The following C21orf91 variants were observed in gnomAD, a reference collection of about 807,000 sequenced individuals.
C21orf91 encodes the protein protein EURL homolog.
A neutral mutation model predicts 32.9 loss-of-function variants in C21orf91; 26 were observed. That is an observed-to-expected ratio of 0.79 (90% CI 0.58 to 1.10). C21orf91 has a LOEUF of 1.10. Among genes scored for constraint, C21orf91 ranks in the 50% least tolerant of loss-of-function variants. C21orf91 has a pLI of 0.00. For missense variants in C21orf91, 310 were observed against 341.3 expected (o/e 0.91, Z 0.72); for synonymous variants, 126 against 120.4 (o/e 1.05, Z -0.31).
At chr21:17,799,960 C>T (rs879393450) in intron 2 of C21orf91, among the ~76,000 whole-genome samples, 5 of 152,114 alleles carry the variant, frequency 3.3e-5, no homozygotes, top group East Asian at 1.9e-4. Flanking sequence ...GGCTACTCAG[C>T]GGGTAATTAA....
In C21orf91 at chr21:17,790,548, C is replaced by T. The variant is rs1306256545; in HGVS notation, c.*2867G>A. 1.3e-5 allele frequency: 2 copies of T among 151,980 alleles called. No individual in the cohort carries two copies. The highest frequency in any genetic ancestry group is 4.8e-5 in the African/African-American group (2 of 41,404). The allele number at this position is 151,980 out of a possible 1,614,324, so 9.4% of individuals were successfully genotyped here. A position where few individuals can be genotyped will look rare whatever the true frequency, so the allele number is the denominator to read the frequency against. On this transcript the variant is annotated 3_prime_UTR_variant, in exon 5 of 5. Transcript: ENST00000284881. ...ATCCTTAAATGTATATAAAAATGGG[C>T]ACTTTGTGGTAAAATGAACATGTGT...
chr21:17,816,627 C>A (rs1294727722), intron 2 of C21orf91, among the ~76,000 whole-genome samples: 1 of 152,174 alleles, frequency 6.6e-6, no homozygotes, highest in African/African-American at 2.4e-5. Context: ...TCTTAGGTCG[C>A]CAAGGTTCAG....
chr21:17,796,559 A>G, intron 3 of C21orf91, 23 bp downstream of exon 3: 1 of 1,578,000 alleles, frequency 6.3e-7, no homozygotes, highest in East Asian at 2.3e-5. Flanking sequence ...CCCAACTTTT[A>G]CTTTTCTCCC....
At chr21:17,793,820 T>C (rs561757140) in intron 4 of C21orf91, among the ~76,000 whole-genome samples, 12 of 152,344 alleles carry the variant, frequency 7.9e-5, no homozygotes, top group African/African-American at 2.9e-4. Flanking sequence ...ACTACAGAGA[T>C]ACACAGCAAA....
intron 2 of C21orf91, among the ~76,000 whole-genome samples, chr21:17,798,883 G>C (rs762984334): frequency 4.6e-5 from 7 of 152,146 alleles, no homozygotes; most frequent in African/African-American, 1.7e-4. Context: ...CCAATGCTTA[G>C]TTTTCTGGGA....
intron 2 of C21orf91, among the ~76,000 whole-genome samples, chr21:17,804,620 C>A (rs1244306571): frequency 6.6e-6 from 1 of 152,166 alleles, no homozygotes; most frequent in African/African-American, 2.4e-5. Context: ...AGAATTACTG[C>A]CCTAAAGAAA....
At chr21:17,805,655 G>A (rs569189337) in intron 2 of C21orf91, among the ~76,000 whole-genome samples, 51 of 152,082 alleles carry the variant, frequency 3.4e-4, no homozygotes, top group Non-Finnish European at 5.4e-4. Flanking sequence ...ACTCACAACA[G>A]TACGATATAG....
intron 2 of C21orf91, among the ~76,000 whole-genome samples, chr21:17,812,329 T>C (rs994971753): frequency 1.3e-5 from 2 of 152,146 alleles, no homozygotes; most frequent in African/African-American, 4.8e-5. Flanking sequence ...AACCTTGAGC[T>C]TTTATTTTCA....
At chr21:17,814,650 A>AG (rs1217921605) in intron 2 of C21orf91, among the ~76,000 whole-genome samples, 5 of 151,978 alleles carry the variant, frequency 3.3e-5, no homozygotes, top group Non-Finnish European at 7.4e-5. Flanking sequence ...GAAGAGAGTG[A>AG]GGGGGGGAGG....
Position 17,795,204 on chromosome 21 carries a change from T to C in C21orf91, c.727+4A>G. 6.2e-7 allele frequency: 1 copy of C among 1,601,358 alleles called. No individual in the cohort carries two copies. The highest frequency in any genetic ancestry group is 8.6e-7 in the Non-Finnish European group (1 of 1,168,618). Reference sequence around the variant, plus strand: ...CACAAAAAAGTACTGACAGTGATTCTTACCCTGGATTTGCTGTAGGAGCTT... The same window carrying C: ...CACAAAAAAGTACTGACAGTGATTCCTACCCTGGATTTGCTGTAGGAGCTT... On this transcript the variant is annotated splice_donor_region_variant and intron_variant, in intron 4 of 4. Coordinates refer to ENST00000284881, the MANE Select transcript of C21orf91 (RefSeq NM_001100420.2).
chr21:17,793,580 T>G lies in C21orf91; in HGVS notation c.729A>C (p.Glu243Asp), dbSNP rs747690893. The change falls in exon 5 of 5, where the codon GAA becomes GAC. Residue 243 changes from glutamate (E) to aspartate (D), a missense_variant and splice_region_variant. Physicochemically the swap from Glu to Asp is conservative, Grantham distance 45. Transcript: ENST00000284881. The part of the protein sequence containing the change: ...LNAKLLQQIQ[E>D]VFEELTHQVQ... ...CTTGGTGAGTTAACTCTTCAAAAAC[T>G]TCTGTAAAAGATTTAAAAACTTTCA... 1.2e-6 allele frequency: 2 copies of G among 1,601,940 alleles called. No homozygotes were observed. Among genetic ancestry groups the G allele is most frequent in the South Asian group, 2.2e-5 (2 of 90,204 alleles).
chr21:17,795,153 G>T, intron 4 of C21orf91, 55 bp downstream of exon 4: 2 of 1,104,304 alleles, frequency 1.8e-6, no homozygotes, highest in Non-Finnish European at 2.8e-6. Context: ...TATCATAGAT[G>T]ATTTTCTATG....
At chr21:17,795,061 C>G in intron 4 of C21orf91, 147 bp downstream of exon 4, 4 of 595,302 alleles carry the variant, frequency 6.7e-6, no homozygotes. Context: ...TTGTTTCTTT[C>G]TTATTCTTTT....
intron 1 of C21orf91, chr21:17,819,050 GGCCACGGCGGCCGGTCC>G (rs2062687649): frequency 6.6e-6 from 1 of 152,204 alleles, no homozygotes; most frequent in African/African-American, 2.4e-5. Context: ...AGCGTCCGAG[GGCCACGGCGGCCGGTCC>G]GCCCAGCCTC....
intron 2 of C21orf91, among the ~76,000 whole-genome samples, chr21:17,800,345 ACT>A (rs1343779732): frequency 1.3e-5 from 2 of 152,176 alleles, no homozygotes; most frequent in East Asian, 3.8e-4. Flanking sequence ...TCTATAAAAC[ACT>A]GACTACTTCA....
chr21:17,798,708 AT>A (rs757948545), intron 2 of C21orf91, among the ~76,000 whole-genome samples: 2 of 152,356 alleles, frequency 1.3e-5, no homozygotes, highest in Non-Finnish European at 2.9e-5. Flanking sequence ...GCTTTATTTG[AT>A]AATAGAGTAT....
chr21:17,808,589 C>A (rs184384241), intron 2 of C21orf91, among the ~76,000 whole-genome samples: 2 of 152,308 alleles, frequency 1.3e-5, no homozygotes, highest in East Asian at 3.9e-4. Flanking sequence ...AAGCTGCAGG[C>A]ACATAACCCC....
chr21:17,803,797 T>C (rs2062577946), intron 2 of C21orf91, among the ~76,000 whole-genome samples: 1 of 152,136 alleles, frequency 6.6e-6, no homozygotes, highest in Non-Finnish European at 1.5e-5. Context: ...AGACAACCAT[T>C]CCTGATAAAA....
chr21:17,795,339 A>G (rs1227158920), intron 3 of C21orf91, 69 bp from the exon 4 acceptor site: 2 of 993,094 alleles, frequency 2.0e-6, no homozygotes, highest in African/African-American at 3.2e-5. Context: ...CATCACCAAC[A>G]CAATATCCTA....
Sources: gnomAD v4.1 joint callset for allele counts (sites outside exome capture counted in the v4.1 genomes callset) on GRCh38, gnomAD v4.1.1 for gene constraint, MANE v1.5 for transcripts, NCBI Gene and HGNC (gene_info 2026-07-23, HGNC 2026-07-21) for gene names.